The following UBL3 variants were observed in gnomAD, a reference collection of about 807,000 sequenced individuals.
UBL3 encodes ubiquitin-like protein 3.
Under a neutral mutation model 18.4 loss-of-function variants are expected in UBL3, and 6 were observed. That is an observed-to-expected ratio of 0.33 (90% CI 0.18 to 0.64). UBL3 has a LOEUF of 0.64. Ranked by LOEUF, UBL3 falls within the 30% of genes least tolerant of loss-of-function variation. The pLI is 0.76. For missense variants in UBL3, 109 were observed against 142.9 expected (o/e 0.76, Z 1.21); for synonymous variants, 49 against 46.6 (o/e 1.05, Z -0.21).
At chr13:29,827,148 G>A (rs183181439) in intron 1 of UBL3, among the ~76,000 whole-genome samples, 72 of 152,344 alleles carry the variant, frequency 4.7e-4, no homozygotes, top group African/African-American at 1.5e-3. Context: ...GTGCTGAGAA[G>A]AATGTATATT....
intron 1 of UBL3, among the ~76,000 whole-genome samples, chr13:29,789,362 C>T (rs1877426058): frequency 6.6e-6 from 1 of 152,110 alleles, no homozygotes; most frequent in Non-Finnish European, 1.5e-5. Flanking sequence ...TGTATTTTAT[C>T]ACAATTTAAA....
At chr13:29,845,562 A>T (rs1422145123) in intron 1 of UBL3, among the ~76,000 whole-genome samples, 1 of 152,094 alleles carries the variant, frequency 6.6e-6, no homozygotes, top group Non-Finnish European at 1.5e-5. Flanking sequence ...ATTTTACTTT[A>T]ACTTGGAAAA....
intron 1 of UBL3, among the ~76,000 whole-genome samples, chr13:29,789,467 C>T (rs1877427956): frequency 6.6e-6 from 1 of 152,164 alleles, no homozygotes; most frequent in Admixed American, 6.5e-5. Flanking sequence ...GAGAGCTATA[C>T]CTGTATTATT....
At chr13:29,777,100 A>G (rs2139311788) in intron 2 of UBL3, 55 bp downstream of exon 2, 1 of 1,227,714 alleles carries the variant, frequency 8.1e-7, no homozygotes, top group Middle Eastern at 2.0e-4. Flanking sequence ...TTTGTGAGAC[A>G]AGGTAGGGCA....
chr13:29,814,615 A>G (rs1051952360), intron 1 of UBL3, among the ~76,000 whole-genome samples: 3 of 152,130 alleles, frequency 2.0e-5, no homozygotes. Flanking sequence ...AGGGCCTATT[A>G]TAAAGTTGAA....
chr13:29,776,261 C>CTT (rs5741722), intron 2 of UBL3, among the ~76,000 whole-genome samples: 6 of 91,702 alleles, frequency 6.5e-5, no homozygotes, highest in Non-Finnish European at 8.6e-5. Flanking sequence ...TCTTTTCTTT[C>CTT]TTTTTTTTTT....
chr13:29,809,122 G>C (rs768366502), intron 1 of UBL3, among the ~76,000 whole-genome samples: 1 of 152,114 alleles, frequency 6.6e-6, no homozygotes, highest in Non-Finnish European at 1.5e-5. Context: ...TGAAAACATG[G>C]AACTAACAGT....
At chr13:29,780,367 A>AAAAAAAAAAAAAAAAT (rs1359464345) in intron 1 of UBL3, among the ~76,000 whole-genome samples, 10 of 103,340 alleles carry the variant, frequency 9.7e-5, no homozygotes, top group African/African-American at 1.2e-4. Flanking sequence ...AAAAAAAAAA[A>AAAAAAAAAAAAAAAAT]ATATATATAT....
chr13:29,792,418 T>A (rs1877505339), intron 1 of UBL3, among the ~76,000 whole-genome samples: 3 of 152,136 alleles, frequency 2.0e-5, no homozygotes. Context: ...TAAAAATAAA[T>A]AAATAAATAA....
intron 1 of UBL3, among the ~76,000 whole-genome samples, chr13:29,794,579 T>A (rs1877562689): frequency 6.6e-6 from 1 of 152,230 alleles, no homozygotes; most frequent in African/African-American, 2.4e-5. Flanking sequence ...AGCTACGCAG[T>A]CACCAGGTTT....
At position 29,820,855 on chromosome 13, in the gene UBL3, C is replaced by T. The variant is rs143995885; in HGVS notation, c.27+28657G>A. Among the ~76,000 whole-genome samples the T allele has an allele frequency of 3.2e-3, 483 of 152,224 alleles. 2 individuals carry two copies. Among genetic ancestry groups the T allele is most frequent in the Admixed American group, 6.3e-3 (97 of 15,286 alleles). On this transcript the variant is annotated intron_variant, in intron 1 of 4. Transcript: ENST00000380680. Reference sequence around the variant, plus strand: ...CCACATGCATATATAAAATGAACTGCCTTATTTCTAATATATATAGTATTT... The same window carrying T: ...CCACATGCATATATAAAATGAACTGTCTTATTTCTAATATATATAGTATTT...
chr13:29,783,585 A>T (rs1005480731), intron 1 of UBL3, among the ~76,000 whole-genome samples: 1 of 152,210 alleles, frequency 6.6e-6, no homozygotes, highest in African/African-American at 2.4e-5. Flanking sequence ...CTATAATAAG[A>T]ATCTTCCAGG....
At chr13:29,788,138 A>G (rs1877375525) in intron 1 of UBL3, among the ~76,000 whole-genome samples, 1 of 152,116 alleles carries the variant, frequency 6.6e-6, no homozygotes, top group East Asian at 1.9e-4. Flanking sequence ...TCTTCTCTCT[A>G]ACCATCTAGT....
rs1367757091 is a variant in UBL3 at position 29,835,101 on chromosome 13, TATATAA to T, written c.27+14405_27+14410del. Reference sequence around the variant, plus strand: ...ATATATAAATATAAATATATATATATATATAAATATATATATATATATAAATATATA... The same window carrying T: ...ATATATAAATATAAATATATATATATATATATATATATATATAAATATATA... On this transcript the variant is annotated intron_variant, in intron 1 of 4. Coordinates refer to ENST00000380680, the MANE Select transcript of UBL3 (RefSeq NM_007106.4). Among the ~76,000 whole-genome samples, 17 of 44,964 alleles carry T rather than the reference TATATAA, an allele frequency of 3.8e-4. 1 individual carries two copies. The highest frequency in any genetic ancestry group is 2.1e-3 in the African/African-American group (10 of 4,780). 29.5% of individuals were successfully genotyped at this position (44,964 alleles called of 152,430 possible). A position where few individuals can be genotyped will look rare whatever the true frequency, so the allele number is the denominator to read the frequency against.
chr13:29,837,203 A>T (rs1423689438), intron 1 of UBL3, among the ~76,000 whole-genome samples: 5 of 152,242 alleles, frequency 3.3e-5, no homozygotes, highest in African/African-American at 1.2e-4. Context: ...CAGGCACCCA[A>T]GGAAAAAGGA....
chr13:29,844,261 T>C (rs997525257), intron 1 of UBL3, among the ~76,000 whole-genome samples: 1 of 152,184 alleles, frequency 6.6e-6, no homozygotes, highest in African/African-American at 2.4e-5. Context: ...CTCAATTCTT[T>C]TCCCTTTTGG....
intron 1 of UBL3, among the ~76,000 whole-genome samples, chr13:29,840,589 T>C (rs2139367912): frequency 6.6e-6 from 1 of 152,282 alleles, no homozygotes; most frequent in South Asian, 2.1e-4. Flanking sequence ...ATCTAGCATA[T>C]ACCATTTGAG....
chr13:29,849,109 GT>G (rs774646165), intron 1 of UBL3, among the ~76,000 whole-genome samples: 4 of 152,310 alleles, frequency 2.6e-5, no homozygotes, highest in South Asian at 2.1e-4. Context: ...GATCTCGTCT[GT>G]GTCATAAAGC....
In UBL3 at chr13:29,835,131, T is replaced by TAA. The variant is rs1566001067; in HGVS notation, c.27+14380_27+14381insTT. On this transcript the variant is annotated intron_variant, in intron 1 of 4. Coordinates refer to ENST00000380680, the MANE Select transcript of UBL3 (RefSeq NM_007106.4). ...AAATATATATATATATATAAATATA[T>TAA]ATATATATATATATATATATATATA... Among the ~76,000 whole-genome samples the TAA allele has an allele frequency of 2.6e-3, 14 of 5,334 alleles. 1 individual carries two copies. Among genetic ancestry groups the TAA allele is most frequent in the African/African-American group, 0.011 (12 of 1,062 alleles). 3.5% of individuals were successfully genotyped at this position (5,334 alleles called of 152,430 possible).
Sources: gnomAD v4.1 joint callset for allele counts (sites outside exome capture counted in the v4.1 genomes callset) on GRCh38, gnomAD v4.1.1 for gene constraint, MANE v1.5 for transcripts, NCBI Gene and HGNC (gene_info 2026-07-23, HGNC 2026-07-21) for gene names.